Variants in CMSS1 observed in about 807,000 individuals in gnomAD.
CMSS1 encodes cms1 ribosomal small subunit homolog.
CMSS1 carries 33 observed loss-of-function variants against 43.5 expected under a neutral mutation model. The observed-to-expected ratio is 0.76, with a 90% CI of 0.57 to 1.01. CMSS1 has a LOEUF of 1.01. CMSS1 is among the 50% of genes least tolerant of loss of function. The pLI, the probability that CMSS1 is intolerant of heterozygous loss-of-function variation, is 0.00. For synonymous variants in CMSS1, 115 were observed against 117.2 expected, an observed-to-expected ratio of 0.98 and a Z score of 0.12; for missense variants, 313 against 326.4, an observed-to-expected ratio of 0.96 and a Z score of 0.32.
intron 1 of CMSS1, among the ~76,000 whole-genome samples, chr3:100,129,895 T>G (rs2066692765): frequency 6.6e-6 from 1 of 152,244 alleles, no homozygotes; most frequent in South Asian, 2.1e-4. Context: ...TCAGTTCTTT[T>G]CAGCTTCAAC....
At chr3:99,981,889 A>G (rs975298204) in intron 1 of CMSS1, among the ~76,000 whole-genome samples, 1 of 152,190 alleles carries the variant, frequency 6.6e-6, no homozygotes, top group African/African-American at 2.4e-5. Context: ...CTGTAATCCC[A>G]GCAAGGCGGG....
In CMSS1 at chr3:99,963,716, G is replaced by C. The variant is rs115161367; in HGVS notation, c.64+145673G>C. ...AGCCTCGCCTCCAGGGTCCTGGTTC[G>C]AGCAATTCTCCTGTCTCAGCTTCCT... On this transcript the variant is annotated intron_variant, in intron 1 of 9. Transcript: ENST00000421999. Among the ~76,000 whole-genome samples, 936 of 151,960 alleles carry C rather than the reference G, an allele frequency of 6.2e-3. 6 individuals are homozygous for C. Among genetic ancestry groups the C allele is most frequent in the African/African-American group, 0.018 (741 of 41,432 alleles).
chr3:99,870,663 C>T (rs1234916174), intron 1 of CMSS1, among the ~76,000 whole-genome samples: 1 of 152,146 alleles, frequency 6.6e-6, no homozygotes, highest in Non-Finnish European at 1.5e-5. Context: ...TTTGCTACTG[C>T]TGAGGAGAAT....
intron 1 of CMSS1, among the ~76,000 whole-genome samples, chr3:100,080,972 A>G (rs2065923158): frequency 6.6e-6 from 1 of 152,248 alleles, no homozygotes; most frequent in Non-Finnish European, 1.5e-5. Flanking sequence ...TGCAGAAGAT[A>G]AAAAGGAGTC....
chr3:100,121,129 C>T (rs867897774), intron 1 of CMSS1, among the ~76,000 whole-genome samples: 1 of 152,002 alleles, frequency 6.6e-6, no homozygotes, highest in South Asian at 2.1e-4. Flanking sequence ...TTCTGGGCTA[C>T]GTGTGCAGAA....
At chr3:100,108,710 G>A (rs897130075) in intron 1 of CMSS1, among the ~76,000 whole-genome samples, 2 of 152,122 alleles carry the variant, frequency 1.3e-5, no homozygotes, top group African/African-American at 4.8e-5. Flanking sequence ...TCTGGCACTC[G>A]TTTGTTTGTT....
intron 1 of CMSS1, among the ~76,000 whole-genome samples, chr3:99,992,208 A>G (rs1217807474): frequency 1.3e-5 from 2 of 152,004 alleles, no homozygotes; most frequent in African/African-American, 4.8e-5. Context: ...GCTGAATCAA[A>G]TGGTAGTTCT....
chr3:100,028,975 G>A (rs148587921), intron 1 of CMSS1, among the ~76,000 whole-genome samples: 38 of 152,094 alleles, frequency 2.5e-4, no homozygotes, highest in African/African-American at 8.0e-4. Context: ...TCGTCAGTCC[G>A]TTACTTGAGC....
intron 1 of CMSS1, among the ~76,000 whole-genome samples, chr3:99,869,390 C>T (rs1351563914): frequency 6.6e-6 from 1 of 152,152 alleles, no homozygotes; most frequent in East Asian, 1.9e-4. Context: ...TATTTGAAAG[C>T]CTCAAGAATA....
chr3:99,959,599 C>T (rs1708434769), intron 1 of CMSS1, among the ~76,000 whole-genome samples: 1 of 152,142 alleles, frequency 6.6e-6, no homozygotes, highest in Non-Finnish European at 1.5e-5. Context: ...ATTTCTTTAG[C>T]AGTCTGATAA....
intron 1 of CMSS1, among the ~76,000 whole-genome samples, chr3:99,927,065 G>T (rs866109665): frequency 3.3e-5 from 5 of 151,914 alleles, no homozygotes; most frequent in African/African-American, 1.2e-4. Flanking sequence ...TCTTCCCACC[G>T]ATCCTACCCA....
At chr3:100,134,379 A>T (rs1031540193) in intron 1 of CMSS1, among the ~76,000 whole-genome samples, 1 of 152,210 alleles carries the variant, frequency 6.6e-6, no homozygotes, top group African/African-American at 2.4e-5. Flanking sequence ...TTTGCTCAGG[A>T]TCACAAAAAT....
intron 8 of CMSS1, among the ~76,000 whole-genome samples, chr3:100,175,182 A>T (rs977344397): frequency 6.6e-6 from 1 of 152,190 alleles, no homozygotes; most frequent in Admixed American, 6.5e-5. Context: ...ATTATAAATA[A>T]TGTGGCAATG....
chr3:99,944,033 A>C (rs1422552551), intron 1 of CMSS1, among the ~76,000 whole-genome samples: 1 of 152,230 alleles, frequency 6.6e-6, no homozygotes. Context: ...ATACAACTTT[A>C]TCTCTTGGTT....
At chr3:99,874,655 G>A (rs913176617) in intron 1 of CMSS1, among the ~76,000 whole-genome samples, 6 of 152,050 alleles carry the variant, frequency 3.9e-5, no homozygotes, top group Non-Finnish European at 7.4e-5. Context: ...ACTGCTATGA[G>A]GCAAAAATGA....
At chr3:100,049,242 G>A (rs2065329771) in intron 1 of CMSS1, among the ~76,000 whole-genome samples, 1 of 152,074 alleles carries the variant, frequency 6.6e-6, no homozygotes, top group African/African-American at 2.4e-5. Flanking sequence ...CAAATAAACT[G>A]TTCTCTTGTT....
At chr3:99,849,613 T>C in intron 1 of CMSS1, 1 of 1,613,498 alleles carries the variant, frequency 6.2e-7, no homozygotes, top group Non-Finnish European at 8.5e-7. Flanking sequence ...TTCTGCTAAC[T>C]TGTACTTAGC....
intron 1 of CMSS1, among the ~76,000 whole-genome samples, chr3:99,843,671 T>G (rs1943232705): frequency 6.6e-6 from 1 of 152,078 alleles, no homozygotes; most frequent in Non-Finnish European, 1.5e-5. Flanking sequence ...AGAGAACACT[T>G]ACATAAATCT....
rs2067180770 is a variant in CMSS1 at position 100,180,887 on chromosome 3, T to C, written c.*2499T>C. 6.6e-6 allele frequency: 1 copy of C among 152,200 alleles called. No individual in the cohort carries two copies. The highest frequency in any genetic ancestry group is 2.1e-4 in the South Asian group (1 of 4,828). 9.4% of individuals were successfully genotyped at this position (152,200 alleles called of 1,614,324 possible). A position where few individuals can be genotyped will look rare whatever the true frequency, so the allele number is the denominator to read the frequency against. Reference sequence around the variant, plus strand: ...CTACCTGAGACTGGGTAGTTTATAATGAAAAGAGGTTTAATTGACTTCCAG... The same window carrying C: ...CTACCTGAGACTGGGTAGTTTATAACGAAAAGAGGTTTAATTGACTTCCAG... On this transcript the variant is annotated 3_prime_UTR_variant, in exon 10 of 10. Coordinates refer to ENST00000421999, the MANE Select transcript of CMSS1 (RefSeq NM_032359.4).
Sources: gnomAD v4.1 joint callset for allele counts (sites outside exome capture counted in the v4.1 genomes callset) on GRCh38, gnomAD v4.1.1 for gene constraint, MANE v1.5 for transcripts, NCBI Gene and HGNC (gene_info 2026-07-23, HGNC 2026-07-21) for gene names.